Variants in CCN2 observed in about 807,000 individuals in gnomAD.
The protein encoded by CCN2 is CCN family member 2.
Under a neutral mutation model 33.2 loss-of-function variants are expected in CCN2, and 22 were observed. That is an observed-to-expected ratio of 0.66 (90% confidence interval 0.47 to 0.95). The LOEUF is 0.95. Ranked by LOEUF, CCN2 falls within the 40% of genes least tolerant of loss-of-function variation. CCN2 has a pLI of 0.00. For synonymous variants in CCN2, 178 were observed against 200.6 expected (o/e 0.89, Z 0.95); for missense variants, 469 against 498.8 (o/e 0.94, Z 0.57).
At chr6:131,949,615 G>T in intron 4 of CCN2, 55 bp from the exon 5 acceptor site, 2 of 1,475,188 alleles carry the variant, frequency 1.4e-6, no homozygotes, top group South Asian at 1.2e-5. Context: ...GACTCTACAA[G>T]AGGAGTGGCT....
In CCN2 at chr6:131,949,935, A is replaced by G; in HGVS notation, c.753+14T>C. 1 of 1,613,508 alleles carries G rather than the reference A, an allele frequency of 6.2e-7. No individual in the cohort carries two copies. Among genetic ancestry groups the G allele is most frequent in the Non-Finnish European group, 8.5e-7 (1 of 1,179,594 alleles). On this transcript the variant is annotated intron_variant, in intron 4 of 4. Transcript: ENST00000367976. The stretch of plus-strand genomic sequence containing the variant: ...TTTCCTGTGAAAAATAGTTAATAGG[A>G]GCAGAACATGTACCTTAATGTTCTC...
rs1783105561 is a variant in CCN2 at position 131,951,181 on chromosome 6, C to A, written c.-9G>T. 3 of 1,322,336 alleles carry A rather than the reference C, an allele frequency of 2.3e-6. No homozygotes were observed. Among genetic ancestry groups the A allele is most frequent in the South Asian group, 2.2e-5 (1 of 46,240 alleles). The allele number at this position is 1,322,336 out of a possible 1,614,324, so 81.9% of individuals were successfully genotyped here. On this transcript the variant is annotated 5_prime_UTR_variant, in exon 1 of 5. Transcript: ENST00000367976. ...ATACTGGCGGCGGTCATGGTTGGCA[C>A]TGCGGGCGGAGCGGAGGGCGCGGTG...
chr6:131,951,038 G>A (rs1783102116), intron 1 of CCN2, 46 bp from the exon 2 acceptor site: 2 of 1,256,058 alleles, frequency 1.6e-6, no homozygotes, highest in Non-Finnish European at 9.9e-7. Context: ...CGGCGCGCAC[G>A]CCCTCCCCGG....
At chr6:131,951,078 C>G (rs1783103127) in intron 1 of CCN2, 29 bp downstream of exon 1, 2 of 1,294,488 alleles carry the variant, frequency 1.5e-6, no homozygotes, top group Non-Finnish European at 2.0e-6. Context: ...TGGCAGCCGC[C>G]GGCCGCAGCG....
Position 131,950,674 on chromosome 6 carries a change from AAG to A in CCN2, c.289+94_289+95del. The A allele has an allele frequency of 2.0e-6, 3 of 1,497,080 alleles. No individual in the cohort carries two copies. The highest frequency in any genetic ancestry group is 2.7e-6 in the Non-Finnish European group (3 of 1,111,086). 92.7% of individuals were successfully genotyped at this position (1,497,080 alleles called of 1,614,324 possible). The stretch of plus-strand genomic sequence containing the variant: ...GGGGCGGGCTGGCAGCAGCTGGAGA[AAG>A]AAACTCAGTCCGAGCGGTTTCTTTT... On this transcript the variant is annotated intron_variant, in intron 2 of 4. Coordinates refer to ENST00000367976, the MANE Select transcript of CCN2 (RefSeq NM_001901.4). This position sits in a 1 kb window ranked among gnomAD's most constrained non-coding sequence, Gnocchi z 7.1.
rs1443499391 is a variant in CCN2, at chr6:131,950,963, C to T, written c.96G>A (p.Pro32=). Residue 32 remains proline, a synonymous_variant, in exon 2 of 5, where the codon CCG becomes CCA. Coordinates refer to ENST00000367976, the MANE Select transcript of CCN2 (RefSeq NM_001901.4). The surrounding 1 kb of genome is among the most constrained non-coding windows in gnomAD (Gnocchi z 7.1). The part of the protein sequence containing the change: ...RPAVGQNCSG[P]CRCPDEPAPR... ...GCGCCGGCTCGTCCGGGCACCGGCA[C>T]GGCCCGCTGCAGTTCTGGCCGACGG... 3.7e-6 allele frequency: 5 copies of T among 1,367,078 alleles called. No homozygotes were observed. In the South Asian group the frequency reaches 8.8e-5, roughly 24 times the overall value. 84.7% of individuals were successfully genotyped at this position (1,367,078 alleles called of 1,614,324 possible). A position where few individuals can be genotyped will look rare whatever the true frequency, so the allele number is the denominator to read the frequency against.
At position 131,949,218 on chromosome 6, in the gene CCN2, A is replaced by T; in HGVS notation, c.*46T>A. Reference sequence around the variant, plus strand: ...TTTACGGAAAAATGAGATGTGAATCAGTTCAAGTTCCAGTCTAATGAGTTA... The same window carrying T: ...TTTACGGAAAAATGAGATGTGAATCTGTTCAAGTTCCAGTCTAATGAGTTA... On this transcript the variant is annotated 3_prime_UTR_variant, in exon 5 of 5. Coordinates refer to ENST00000367976, the MANE Select transcript of CCN2 (RefSeq NM_001901.4). The T allele has an allele frequency of 6.7e-7, 1 of 1,491,130 alleles. No individual in the cohort carries two copies. The highest frequency in any genetic ancestry group is 9.3e-7 in the Non-Finnish European group (1 of 1,072,218). 92.4% of individuals were successfully genotyped at this position (1,491,130 alleles called of 1,614,324 possible).
chr6:131,949,110 T>A lies in CCN2; in HGVS notation c.*154A>T. 1.5e-6 allele frequency: 1 copy of A among 685,462 alleles called. No individual in the cohort carries two copies. Among genetic ancestry groups the A allele is most frequent in the Non-Finnish European group, 2.5e-6 (1 of 404,304 alleles). 42.5% of individuals were successfully genotyped at this position (685,462 alleles called of 1,614,324 possible). On this transcript the variant is annotated 3_prime_UTR_variant, in exon 5 of 5. Coordinates refer to ENST00000367976, the MANE Select transcript of CCN2 (RefSeq NM_001901.4). ...GGGTTGATAGACTATTTGTTTGACA[T>A]GGCACAATGTTTTGAATTGGGTGGG... is the stretch of plus-strand genomic sequence containing the variant.
At position 131,951,326 on chromosome 6, in the gene CCN2, T is replaced by A; in HGVS notation, c.-154A>T. On this transcript the variant is annotated 5_prime_UTR_variant, in exon 1 of 5. Coordinates refer to ENST00000367976, the MANE Select transcript of CCN2 (RefSeq NM_001901.4). ...GGGCGGCTGCCGTCGAGCTGGAGGG[T>A]GGAGTCGCACTGGCTGTCTCCTCTC... is the stretch of plus-strand genomic sequence containing the variant. 1 of 553,100 alleles carries A rather than the reference T, an allele frequency of 1.8e-6. No homozygotes were observed. Among genetic ancestry groups the A allele is most frequent in the Non-Finnish European group, 2.7e-6 (1 of 374,694 alleles). The allele number at this position is 553,100 out of a possible 1,614,324, so 34.3% of individuals were successfully genotyped here.
chr6:131,950,589 G>T lies in CCN2; in HGVS notation c.290-46C>A. 1 of 1,594,890 alleles carries T rather than the reference G, an allele frequency of 6.3e-7. No individual in the cohort carries two copies. The highest frequency in any genetic ancestry group is 1.1e-5 in the South Asian group (1 of 87,660). On this transcript the variant is annotated intron_variant, in intron 2 of 4. Transcript: ENST00000367976. The surrounding 1 kb of genome is among the most constrained non-coding windows in gnomAD (Gnocchi z 7.1). ...AGAGGGGTGGGGGATGCAGAGGTCA[G>T]GCATTGGGGCACTCTCACATCCAGA...
rs1365091801 is a variant in CCN2 at position 131,949,459 on chromosome 6, T to G, written c.855A>C (p.Gly285=). 6.2e-7 allele frequency: 1 copy of G among 1,614,054 alleles called. No individual in the cohort carries two copies. Among genetic ancestry groups the G allele is most frequent in the East Asian group, 2.2e-5 (1 of 44,884 alleles). The change falls in exon 5 of 5, where the codon GGA becomes GGC. Residue 285 remains glycine, a synonymous_variant. Transcript: ENST00000367976. ...TGCAGCATCGGCCGTCGGTACATAC[T>G]CCACAGAATTTAGCTCGGTATGTCT... ...SMKTYRAKFC[G]VCTDGRCCTP...
chr6:131,949,206 G>A lies in CCN2; in HGVS notation c.*58C>T, dbSNP rs1783061940. The A allele has an allele frequency of 2.1e-6, 3 of 1,434,556 alleles. No individual in the cohort carries two copies. The highest frequency in any genetic ancestry group is 9.8e-7 in the Non-Finnish European group (1 of 1,025,268). The allele number at this position is 1,434,556 out of a possible 1,614,324, so 88.9% of individuals were successfully genotyped here. On this transcript the variant is annotated 3_prime_UTR_variant, in exon 5 of 5. Transcript: ENST00000367976. Reference sequence around the variant, plus strand: ...ACTGAAATCATTTTTACGGAAAAATGAGATGTGAATCAGTTCAAGTTCCAG... The same window carrying A: ...ACTGAAATCATTTTTACGGAAAAATAAGATGTGAATCAGTTCAAGTTCCAG...
At position 131,949,002 on chromosome 6, in the gene CCN2, A is replaced by G; in HGVS notation, c.*262T>C. ...GCTGGTACCCTCCCACTGCTCCTAA[A>G]GCCACACCTTAATATACATTCTGGT... On this transcript the variant is annotated 3_prime_UTR_variant, in exon 5 of 5. Transcript: ENST00000367976. 2.0e-6 allele frequency: 1 copy of G among 496,548 alleles called. No individual in the cohort carries two copies. Among genetic ancestry groups the G allele is most frequent in the Non-Finnish European group, 3.7e-6 (1 of 272,698 alleles). 30.8% of individuals were successfully genotyped at this position (496,548 alleles called of 1,614,324 possible). A position where few individuals can be genotyped will look rare whatever the true frequency, so the allele number is the denominator to read the frequency against.
rs1268247737 is a variant in CCN2, at chr6:131,950,184, A to G, written c.542-24T>C. 1 of 1,613,850 alleles carries G rather than the reference A, an allele frequency of 6.2e-7. No individual in the cohort carries two copies. Among genetic ancestry groups the G allele is most frequent in the East Asian group, 2.2e-5 (1 of 44,864 alleles). On this transcript the variant is annotated intron_variant, in intron 3 of 4. Coordinates refer to ENST00000367976, the MANE Select transcript of CCN2 (RefSeq NM_001901.4). The surrounding 1 kb of genome is among the most constrained non-coding windows in gnomAD (Gnocchi z 7.1). ...AGCTGCGAGAGCAGAGCACACAAAC[A>G]CCATGTAAAACGCCTGGATAAGGTA...
rs1190773592 is a variant in CCN2 at position 131,949,472 on chromosome 6, G to C, written c.842C>G (p.Ala281Gly). ...GTCGGTACATACTCCACAGAATTTAGCTCGGTATGTCTTCATGCTGGTGCA... is the reference window on the plus strand; with the variant it reads ...GTCGGTACATACTCCACAGAATTTACCTCGGTATGTCTTCATGCTGGTGCA... ...SGCTSMKTYRAKFCGVCTDGR... is the reference protein window; with the variant it reads ...SGCTSMKTYRGKFCGVCTDGR... Residue 281 changes from alanine (A) to glycine (G), a missense_variant, in exon 5 of 5, where the codon GCT becomes GGT. Physicochemically the swap from Ala to Gly is moderately conservative, Grantham distance 60. Transcript: ENST00000367976. 1 of 1,614,128 alleles carries C rather than the reference G, an allele frequency of 6.2e-7. No homozygotes were observed. Among genetic ancestry groups the C allele is most frequent in the East Asian group, 2.2e-5 (1 of 44,872 alleles).
rs1170929700 is a variant in CCN2, at chr6:131,949,408, C to T, written c.906G>A (p.Pro302=). The stretch of plus-strand genomic sequence containing the variant: ...CGCCGTCAGGGCACTTGAACTCCAC[C>T]GGCAGGGTGGTGGTTCTGTGGGGGG... ...CCTPHRTTTL[P]VEFKCPDGEV... The change falls in exon 5 of 5, where the codon CCG becomes CCA. Residue 302 remains proline (P), a synonymous_variant. Coordinates refer to ENST00000367976, the MANE Select transcript of CCN2 (RefSeq NM_001901.4). 10 of 1,614,164 alleles carry T rather than the reference C, an allele frequency of 6.2e-6. No individual in the cohort carries two copies. The highest frequency in any genetic ancestry group is 3.3e-4 in the Middle Eastern group (2 of 6,062).
chr6:131,950,213 C>G lies in CCN2; in HGVS notation c.542-53G>C. 6.2e-7 allele frequency: 1 copy of G among 1,611,670 alleles called. No homozygotes were observed. The highest frequency in any genetic ancestry group is 8.5e-7 in the Non-Finnish European group (1 of 1,178,240). On this transcript the variant is annotated intron_variant, in intron 3 of 4. Coordinates refer to ENST00000367976, the MANE Select transcript of CCN2 (RefSeq NM_001901.4). The surrounding 1 kb of genome is among the most constrained non-coding windows in gnomAD (Gnocchi z 7.1). ...TGTAAAACGCCTGGATAAGGTATTT[C>G]CCCCGTTCGGTCGGCACAGTTAGGA... is the stretch of plus-strand genomic sequence containing the variant.
rs953835384 is a variant in CCN2 at position 131,948,375 on chromosome 6, C to A, written c.*889G>T. The A allele has an allele frequency of 1.3e-5, 2 of 152,576 alleles. No individual in the cohort carries two copies. Among genetic ancestry groups the A allele is most frequent in the African/African-American group, 4.8e-5 (2 of 41,442 alleles). 9.5% of individuals were successfully genotyped at this position (152,576 alleles called of 1,614,324 possible). A position where few individuals can be genotyped will look rare whatever the true frequency, so the allele number is the denominator to read the frequency against. On this transcript the variant is annotated 3_prime_UTR_variant, in exon 5 of 5. Coordinates refer to ENST00000367976, the MANE Select transcript of CCN2 (RefSeq NM_001901.4). ...CATTTGTTCATTAAAAGTGAGGCTACCACATTTCCTACCTAGAAATCAGCC... is the reference window on the plus strand; with the variant it reads ...CATTTGTTCATTAAAAGTGAGGCTAACACATTTCCTACCTAGAAATCAGCC...
intron 4 of CCN2, 131 bp downstream of exon 4, chr6:131,949,818 G>T: frequency 2.1e-6 from 2 of 950,732 alleles, no homozygotes; most frequent in Non-Finnish European, 3.1e-6. Flanking sequence ...TCTCATTCCA[G>T]CAAAACAGCT....
Sources: gnomAD v4.1 joint callset for allele counts on GRCh38, gnomAD v4.1.1 for gene constraint, Gnocchi (gnomAD v3.1) non-coding constraint, MANE v1.5 for transcripts, NCBI Gene and HGNC (gene_info 2026-07-23, HGNC 2026-07-21) for gene names.